Variants in TEK observed in about 807,000 individuals in gnomAD.
The protein encoded by TEK is angiopoietin-1 receptor.
In TEK, 43 loss-of-function variants were observed where a neutral mutation model predicts 131.8. The ratio of observed to expected loss-of-function variants is 0.33; its 90% CI spans 0.26 to 0.42. The LOEUF is 0.42. Ranked by LOEUF, TEK falls within the 10% of genes least tolerant of loss-of-function variation. TEK has a pLI of 1.00. For synonymous variants in TEK, 580 were observed against 491.6 expected, an observed-to-expected ratio of 1.18 and a Z score of -2.38; for missense variants, 1,162 against 1,384.4, an observed-to-expected ratio of 0.84 and a Z score of 2.55.
intron 10 of TEK, among the ~76,000 whole-genome samples, chr9:27,191,715 A>G (rs2131185510): frequency 6.6e-6 from 1 of 152,322 alleles, no homozygotes; most frequent in Admixed American, 6.5e-5. Context: ...ATCAAAATTC[A>G]GAATTCCAGG....
chr9:27,124,098 A>G (rs1291792191), intron 1 of TEK, among the ~76,000 whole-genome samples: 1 of 152,230 alleles, frequency 6.6e-6, no homozygotes, highest in Non-Finnish European at 1.5e-5. Context: ...TTAAAAGAGC[A>G]TGGAAGGCAA....
At chr9:27,169,700 A>G (rs1823876997) in intron 4 of TEK, 71 bp downstream of exon 4, 1 of 1,601,788 alleles carries the variant, frequency 6.2e-7, no homozygotes, top group African/African-American at 1.3e-5. Flanking sequence ...GTTGCAAATA[A>G]CAGAAACTAA....
intron 18 of TEK, among the ~76,000 whole-genome samples, chr9:27,215,216 A>AG (rs1445601138): frequency 8.5e-5 from 13 of 152,170 alleles, no homozygotes; most frequent in Admixed American, 7.9e-4. Context: ...GGTTATTTAC[A>AG]GGGGGAGAGC....
chr9:27,162,680 C>G (rs1190355318), intron 2 of TEK, among the ~76,000 whole-genome samples: 2 of 151,914 alleles, frequency 1.3e-5, no homozygotes, highest in Non-Finnish European at 2.9e-5. Context: ...AAATCTGAAA[C>G]AGTTTAGTTC....
At chr9:27,205,537 C>T (rs757708802) in intron 14 of TEK, among the ~76,000 whole-genome samples, 7 of 152,140 alleles carry the variant, frequency 4.6e-5, no homozygotes, top group Non-Finnish European at 5.9e-5. Context: ...TATCACCCCT[C>T]GTATGTGTAA....
At chr9:27,135,070 C>T (rs1255284201) in intron 1 of TEK, among the ~76,000 whole-genome samples, 4 of 151,388 alleles carry the variant, frequency 2.6e-5, no homozygotes, top group Non-Finnish European at 4.4e-5. Context: ...ACTAAAAATA[C>T]AAAAATTAGC....
intron 1 of TEK, among the ~76,000 whole-genome samples, chr9:27,154,213 A>C (rs905300467): frequency 6.6e-6 from 1 of 152,172 alleles, no homozygotes; most frequent in East Asian, 1.9e-4. Flanking sequence ...CATGTGCAGA[A>C]CGTGCAGGTC....
intron 11 of TEK, among the ~76,000 whole-genome samples, chr9:27,193,849 A>G (rs578327): frequency 0.19 from 29,229 of 152,100 alleles, 3,184 homozygotes; most frequent in Non-Finnish European, 0.24. Flanking sequence ...CTGTCACTCA[A>G]GCTGGAGAGT....
intron 10 of TEK, among the ~76,000 whole-genome samples, chr9:27,191,651 A>G (rs559187246): frequency 2.0e-5 from 3 of 152,190 alleles, no homozygotes; most frequent in South Asian, 2.1e-4. Flanking sequence ...TGACCTGGGT[A>G]GACCGAATAA....
At chr9:27,193,041 C>T (rs1024180428) in intron 11 of TEK, among the ~76,000 whole-genome samples, 3 of 152,150 alleles carry the variant, frequency 2.0e-5, no homozygotes, top group African/African-American at 7.2e-5. Flanking sequence ...TTTTAGAAGT[C>T]CCAGTTTATT....
chr9:27,180,466 C>A, intron 7 of TEK, 98 bp downstream of exon 7: 2 of 1,514,586 alleles, frequency 1.3e-6, no homozygotes, highest in South Asian at 1.2e-5. Context: ...GATCCTCAAG[C>A]CTCTTTTGTT....
intron 20 of TEK, among the ~76,000 whole-genome samples, chr9:27,219,508 G>T (rs1040101809): frequency 2.6e-5 from 4 of 152,064 alleles, no homozygotes; most frequent in African/African-American, 9.7e-5. Flanking sequence ...ACAAGGGGAG[G>T]GAGAGCATTA....
intron 7 of TEK, among the ~76,000 whole-genome samples, chr9:27,180,650 C>T (rs76915433): frequency 0.042 from 6,353 of 152,282 alleles, 319 homozygotes; most frequent in Admixed American, 0.15. Context: ...ACCTTTTCTG[C>T]TCCCTTCTCT....
chr9:27,138,510 C>G (rs1437276205), intron 1 of TEK, among the ~76,000 whole-genome samples: 1 of 152,182 alleles, frequency 6.6e-6, no homozygotes, highest in Non-Finnish European at 1.5e-5. Flanking sequence ...TTACAATCCT[C>G]TAGCTAGACA....
At chr9:27,146,841 T>C (rs983136800) in intron 1 of TEK, among the ~76,000 whole-genome samples, 1 of 151,078 alleles carries the variant, frequency 6.6e-6, no homozygotes, top group Non-Finnish European at 1.5e-5. Flanking sequence ...GCCATTCTCC[T>C]GCCTCAGCCT....
intron 1 of TEK, among the ~76,000 whole-genome samples, chr9:27,119,294 T>C (rs922906000): frequency 1.3e-5 from 2 of 152,174 alleles, no homozygotes; most frequent in African/African-American, 4.8e-5. Flanking sequence ...ACAGCATTTC[T>C]TCATGTGGTT....
At chr9:27,185,172 G>C (rs1355672273) in intron 8 of TEK, among the ~76,000 whole-genome samples, 1 of 152,138 alleles carries the variant, frequency 6.6e-6, no homozygotes, top group Non-Finnish European at 1.5e-5. Context: ...GTGTTAGATA[G>C]GAAAGGAACA....
intron 21 of TEK, among the ~76,000 whole-genome samples, chr9:27,224,279 T>A (rs7031368): frequency 0.89 from 135,945 of 152,176 alleles, 60,745 homozygotes; most frequent in Non-Finnish European, 0.91. Context: ...CATCATCCTG[T>A]TACCCAAACC....
At chr9:27,188,935 G>A (rs1449435484) in intron 9 of TEK, among the ~76,000 whole-genome samples, 6 of 152,106 alleles carry the variant, frequency 3.9e-5, no homozygotes, top group Non-Finnish European at 8.8e-5. Flanking sequence ...GGGCTGGAGT[G>A]GTGACTGTAA....
Sources: gnomAD v4.1 joint callset for allele counts (sites outside exome capture counted in the v4.1 genomes callset) on GRCh38, gnomAD v4.1.1 for gene constraint, MANE v1.5 for transcripts, NCBI Gene and HGNC (gene_info 2026-07-23, HGNC 2026-07-21) for gene names.